Variants in TNRC6A observed in about 807,000 individuals in gnomAD.
The protein encoded by TNRC6A is trinucleotide repeat-containing gene 6A protein.
TNRC6A carries 44 observed loss-of-function variants against 221.2 expected under a neutral mutation model. That is an observed-to-expected ratio of 0.20 (90% confidence interval 0.16 to 0.26). The LOEUF (loss-of-function observed/expected upper bound fraction) is 0.26, where lower values mean the gene tolerates loss of function less well. TNRC6A is among the 10% of genes least tolerant of loss of function. The pLI is 1.00. For missense variants in TNRC6A, 2,199 were observed against 2,404.4 expected (o/e 0.91, Z 1.79); for synonymous variants, 847 against 838.5 (o/e 1.01, Z -0.18).
Position 24,706,658 on chromosome 16 carries a change from C to T in TNRC6A, n.403-44068C>T, listed in dbSNP as rs566942591. Among the ~76,000 whole-genome samples, 11 of 143,944 alleles carry T rather than the reference C, an allele frequency of 7.6e-5. No individual in the cohort carries two copies. The South Asian group carries it at 2.4e-3, about 32-fold the overall frequency. 94.4% of individuals were successfully genotyped at this position (143,944 alleles called of 152,430 possible). On this transcript the variant is annotated intron_variant and non_coding_transcript_variant, in intron 2 of 2. Transcript: ENST00000566108. ...AGTGAGCCCAGATCGCGCTACTGCA[C>T]TCCAGCCTGGGTGACAGAGCGAGAC... is the stretch of plus-strand genomic sequence containing the variant.
At chr16:24,703,543 T>C (rs1263680786) in intron 2 of TNRC6A, among the ~76,000 whole-genome samples, 5 of 151,774 alleles carry the variant, frequency 3.3e-5, no homozygotes, top group Admixed American at 3.3e-4. Flanking sequence ...TAAGATCCCA[T>C]CTCAAAAAAT....
intron 2 of TNRC6A, among the ~76,000 whole-genome samples, chr16:24,676,926 C>T (rs1259543921): frequency 6.6e-6 from 1 of 152,064 alleles, no homozygotes; most frequent in Non-Finnish European, 1.5e-5. Flanking sequence ...AATTCCTATT[C>T]TTCAAGGTTC....
chr16:24,634,867 T>C (rs1360162151), intron 1 of TNRC6A, among the ~76,000 whole-genome samples: 1 of 152,234 alleles, frequency 6.6e-6, no homozygotes, highest in Non-Finnish European at 1.5e-5. Context: ...CCCTAGAATT[T>C]AATGTAAATT....
At chr16:24,796,082 C>T in intron 9 of TNRC6A, 143 bp downstream of exon 9, 1 of 867,730 alleles carries the variant, frequency 1.2e-6, no homozygotes, top group East Asian at 2.5e-5. Flanking sequence ...ATATGAGTTT[C>T]ACCTTTCGGG....
At chr16:24,662,414 G>C (rs1318988181) in intron 2 of TNRC6A, 1 of 152,008 alleles carries the variant, frequency 6.6e-6, no homozygotes, top group East Asian at 1.9e-4. Context: ...AGCGTGGGAG[G>C]CTGAGGCTGC....
intron 1 of TNRC6A, among the ~76,000 whole-genome samples, chr16:24,630,839 G>T (rs749558061): frequency 6.6e-6 from 1 of 152,182 alleles, no homozygotes; most frequent in Non-Finnish European, 1.5e-5. Context: ...TGTCTAAATG[G>T]CCCCAAGCCA....
At chr16:24,730,199 T>C in intron 1 of TNRC6A, 54 bp from the exon 2 acceptor site, 1 of 1,449,346 alleles carries the variant, frequency 6.9e-7, no homozygotes, top group Non-Finnish European at 9.1e-7. Flanking sequence ...CACGCGCATC[T>C]CGTTTTTGTG....
chr16:24,700,762 T>C (rs2055956892), intron 2 of TNRC6A, among the ~76,000 whole-genome samples: 1 of 152,154 alleles, frequency 6.6e-6, no homozygotes, highest in African/African-American at 2.4e-5. Context: ...ACCTATATGT[T>C]TCAGCCGATC....
At chr16:24,731,662 C>T (rs1490343893) in intron 2 of TNRC6A, among the ~76,000 whole-genome samples, 1 of 152,148 alleles carries the variant, frequency 6.6e-6, no homozygotes, top group African/African-American at 2.4e-5. Flanking sequence ...TCTGTTTCTC[C>T]TTCCATTTTT....
At position 24,777,078 on chromosome 16, in the gene TNRC6A, G is replaced by T. The variant is rs1272426800; in HGVS notation, c.309G>T (p.Gln103His). 1 of 1,605,352 alleles carries T rather than the reference G, an allele frequency of 6.2e-7. No individual in the cohort carries two copies. The highest frequency in any genetic ancestry group is 1.3e-5 in the African/African-American group (1 of 74,218). ...QQPQQQQQQQQPQQQQPQQQP... is the reference protein window; with the variant it reads ...QQPQQQQQQQHPQQQQPQQQP... ...CACAGCAGCAGCAGCAACAGCAGCA[G>T]CCGCAGCAGCAGCAGCCACAGCAGC... is the stretch of plus-strand genomic sequence containing the variant. Residue 103 changes from glutamine (Q) to histidine (H), a missense_variant, in exon 5 of 25, where the codon CAG becomes CAT. Coordinates refer to ENST00000395799, the MANE Select transcript of TNRC6A (RefSeq NM_014494.4).
intron 2 of TNRC6A, among the ~76,000 whole-genome samples, chr16:24,742,227 T>C (rs2056906808): frequency 6.6e-6 from 1 of 152,218 alleles, no homozygotes; most frequent in African/African-American, 2.4e-5. Context: ...AGGTACAGTT[T>C]GAGACGTCTC....
intron 11 of TNRC6A, among the ~76,000 whole-genome samples, chr16:24,799,413 A>G (rs1027689374): frequency 7.9e-5 from 12 of 152,314 alleles, no homozygotes; most frequent in African/African-American, 2.4e-4. Flanking sequence ...TCTGCTTAAC[A>G]AGATACAGCT....
At chr16:24,616,348 G>A (rs200963971) in intron 1 of TNRC6A, among the ~76,000 whole-genome samples, 8 of 105,600 alleles carry the variant, frequency 7.6e-5, no homozygotes, top group South Asian at 7.6e-4. Context: ...AAAAAAAGAA[G>A]AAGAAGAAGA....
chr16:24,787,180 C>T (rs1476037658), intron 5 of TNRC6A, among the ~76,000 whole-genome samples: 1 of 152,182 alleles, frequency 6.6e-6, no homozygotes, highest in African/African-American at 2.4e-5. Flanking sequence ...TAATGCTTTA[C>T]ATATGATGAT....
chr16:24,651,529 A>T (rs1902651736), intron 2 of TNRC6A, among the ~76,000 whole-genome samples: 2 of 123,866 alleles, frequency 1.6e-5, no homozygotes, highest in Non-Finnish European at 3.3e-5. Flanking sequence ...CAAGAGGAAA[A>T]CTCCATCTCA....
chr16:24,651,478 C>T (rs1229774538), intron 2 of TNRC6A, among the ~76,000 whole-genome samples: 2 of 128,958 alleles, frequency 1.6e-5, no homozygotes, highest in South Asian at 2.7e-4. Context: ...GCGGAGGTTG[C>T]GGTGAGCTGA....
chr16:24,784,399 C>G (rs1046045391), intron 5 of TNRC6A, among the ~76,000 whole-genome samples: 1 of 152,216 alleles, frequency 6.6e-6, no homozygotes, highest in African/African-American at 2.4e-5. Flanking sequence ...TCACAACTCA[C>G]TACAGCCTCA....
At chr16:24,684,524 G>A (rs2055590038) in intron 2 of TNRC6A, among the ~76,000 whole-genome samples, 1 of 152,092 alleles carries the variant, frequency 6.6e-6, no homozygotes, top group Admixed American at 6.6e-5. Flanking sequence ...TAAAATGTAG[G>A]GCTGGGCACA....
At position 24,804,303 on chromosome 16, in the gene TNRC6A, A is replaced by G. The variant is rs201242089; in HGVS notation, c.3821A>G (p.Asn1274Ser). The G allele has an allele frequency of 2.0e-4, 325 of 1,612,556 alleles. No individual in the cohort carries two copies. The highest frequency in any genetic ancestry group is 2.6e-4 in the Non-Finnish European group (309 of 1,179,752). The change falls in exon 12 of 25, where the codon AAT becomes AGT. Residue 1274 changes from asparagine (N) to serine (S), a missense_variant. By Grantham distance (46) the Asn-to-Ser change is conservative. Around this residue, in one of 8 missense-constraint regions of TNRC6A, gnomAD observed 158 missense variants for 159.1 expected, o/e 0.99. Transcript: ENST00000395799. ...TCCAAAGAGTCTTCCATGGAGCGCA[A>G]TCCTTATTTTGATAAGGTAAGGTTT... ...QISKESSMERNPYFDKDGIVA... is the reference protein window; with the variant it reads ...QISKESSMERSPYFDKDGIVA...
Sources: gnomAD v4.1 joint callset for allele counts (sites outside exome capture counted in the v4.1 genomes callset) on GRCh38, gnomAD v4.1.1 for gene constraint, gnomAD v4.1.1 regional missense constraint, MANE v1.5 for transcripts, NCBI Gene and HGNC (gene_info 2026-07-23, HGNC 2026-07-21) for gene names.